TMEM132B: variants seen among roughly 807,000 people sequenced by gnomAD.
TMEM132B encodes the protein transmembrane protein 132B.
Under a neutral mutation model 90.8 loss-of-function variants are expected in TMEM132B, and 18 were observed. That is an observed-to-expected ratio of 0.20 (90% CI 0.14 to 0.29). The LOEUF is 0.29. TMEM132B is among the 10% of genes least tolerant of loss of function. The probability of loss-of-function intolerance (pLI) is 1.00; values close to 1 mark genes in which losing one functional copy is unlikely to be tolerated. For synonymous variants in TMEM132B, 504 were observed against 523.3 expected, an observed-to-expected ratio of 0.96 and a Z score of 0.50; for missense variants, 1,096 against 1,326.8, an observed-to-expected ratio of 0.83 and a Z score of 2.70.
intron 4 of TMEM132B, among the ~76,000 whole-genome samples, chr12:125,567,569 T>G (rs1884688987): frequency 6.6e-6 from 1 of 152,212 alleles, no homozygotes; most frequent in Non-Finnish European, 1.5e-5. Flanking sequence ...ACCAGTCAGC[T>G]CACAGGAATG....
At chr12:125,356,896 C>T (rs111576876) in intron 2 of TMEM132B, among the ~76,000 whole-genome samples, 3,378 of 152,360 alleles carry the variant, frequency 0.022, 58 homozygotes, top group Non-Finnish European at 0.035. Flanking sequence ...GGGCCTCTTG[C>T]CCTGTCCTGA....
intron 4 of TMEM132B, among the ~76,000 whole-genome samples, chr12:125,527,549 C>A (rs1181932118): frequency 7.1e-6 from 1 of 140,608 alleles, no homozygotes; most frequent in African/African-American, 2.9e-5. Context: ...ACCACCCATC[C>A]ACCCTTCCAT....
intron 1 of TMEM132B, among the ~76,000 whole-genome samples, chr12:125,255,425 T>C (rs1286129446): frequency 6.6e-6 from 1 of 152,236 alleles, no homozygotes; most frequent in African/African-American, 2.4e-5. Context: ...TTATCAGTTC[T>C]GTCTTTGATT....
intron 1 of TMEM132B, among the ~76,000 whole-genome samples, chr12:125,215,667 G>A (rs1423862516): frequency 3.3e-5 from 5 of 152,204 alleles, no homozygotes; most frequent in African/African-American, 9.6e-5. Context: ...GCAGCCTCCC[G>A]AGTAGCTGGG....
chr12:125,514,406 A>T (rs1405282042), intron 3 of TMEM132B, among the ~76,000 whole-genome samples: 2 of 152,172 alleles, frequency 1.3e-5, no homozygotes, highest in African/African-American at 4.8e-5. Context: ...CTCCCATTGT[A>T]TCTCCTGAGA....
intron 4 of TMEM132B, 48 bp from the exon 5 acceptor site, chr12:125,583,803 C>T (rs1470380634): frequency 1.2e-6 from 2 of 1,607,820 alleles, no homozygotes; most frequent in Non-Finnish European, 1.7e-6. Flanking sequence ...CTGCTCGCCC[C>T]TGTGGTATGC....
intron 3 of TMEM132B, among the ~76,000 whole-genome samples, chr12:125,449,646 G>C (rs903517933): frequency 4.7e-5 from 7 of 149,104 alleles, no homozygotes; most frequent in African/African-American, 1.7e-4. Context: ...ATCTTGGGGA[G>C]TATGGTATGA....
intron 1 of TMEM132B, among the ~76,000 whole-genome samples, chr12:125,188,898 A>G (rs1032177898): frequency 2.6e-5 from 4 of 151,476 alleles, no homozygotes; most frequent in Non-Finnish European, 5.9e-5. Context: ...CCTGAAAGAT[A>G]CTTAGCTGCC....
chr12:125,486,055 A>G (rs1169986185), intron 3 of TMEM132B, among the ~76,000 whole-genome samples: 1 of 152,160 alleles, frequency 6.6e-6, no homozygotes. Flanking sequence ...GGCAGAGTAG[A>G]GGTGGTATAG....
At chr12:125,516,692 G>A (rs1883170695) in intron 3 of TMEM132B, among the ~76,000 whole-genome samples, 1 of 152,164 alleles carries the variant, frequency 6.6e-6, no homozygotes, top group Non-Finnish European at 1.5e-5. Context: ...AATCTAGCAG[G>A]ATGAAATGGC....
intron 5 of TMEM132B, among the ~76,000 whole-genome samples, chr12:125,637,640 C>T (rs996949848): frequency 6.6e-6 from 1 of 152,134 alleles, no homozygotes; most frequent in Non-Finnish European, 1.5e-5. Context: ...AAAAATGTTG[C>T]ATTTCCATCA....
rs527577992 is a variant in TMEM132B at position 125,488,638 on chromosome 12, C to T, written c.1107-30801C>T. Among the ~76,000 whole-genome samples, 7 of 152,340 alleles carry T rather than the reference C, an allele frequency of 4.6e-5. No individual in the cohort carries two copies. In the South Asian group the frequency reaches 1.4e-3, roughly 32 times the overall value. ...CTCCTGCCATGATTGTGAGGCCTCCCCAGCCACGTGGAACTGTAAGTCCAT... is the reference window on the plus strand; with the variant it reads ...CTCCTGCCATGATTGTGAGGCCTCCTCAGCCACGTGGAACTGTAAGTCCAT... On this transcript the variant is annotated intron_variant, in intron 3 of 8. Transcript: ENST00000682704.
rs1253047738 is a variant in TMEM132B at position 125,492,249 on chromosome 12, C to T, written c.1107-27190C>T. Among the ~76,000 whole-genome samples, 1 of 152,192 alleles carries T rather than the reference C, an allele frequency of 6.6e-6. No homozygotes were observed. Among genetic ancestry groups the T allele is most frequent in the Non-Finnish European group, 1.5e-5 (1 of 68,030 alleles). On this transcript the variant is annotated intron_variant, in intron 3 of 8. Coordinates refer to ENST00000682704, the MANE Select transcript of TMEM132B (RefSeq NM_001366854.1). The surrounding 1 kb of genome is among the most constrained non-coding windows in gnomAD (Gnocchi z 5.8). ...GCAAATGTTTCCTGTGCAAGTTACA[C>T]CTGCCGTGGCAGCTCAGCCTTCCTC...
chr12:125,368,824 C>T (rs1387249113), intron 2 of TMEM132B, among the ~76,000 whole-genome samples: 1 of 152,012 alleles, frequency 6.6e-6, no homozygotes, highest in African/African-American at 2.4e-5. Flanking sequence ...TTTTTACATT[C>T]AATTTGTTCC....
chr12:125,268,912 C>T lies in TMEM132B; in HGVS notation c.68-80540C>T, dbSNP rs570673104. On this transcript the variant is annotated intron_variant, in intron 1 of 8. Transcript: ENST00000682704. ...CATCCCTGTTTGTGTCTCCCAGCAC[C>T]GCATCTTATTACCCCAGCAATCTTA... 5.3e-5 allele frequency among the ~76,000 whole-genome samples: 8 copies of T among 152,354 alleles called. No homozygotes were observed. The South Asian group carries it at 8.3e-4, about 16-fold the overall frequency.
intron 3 of TMEM132B, among the ~76,000 whole-genome samples, chr12:125,509,351 C>A (rs982182750): frequency 6.6e-6 from 1 of 152,176 alleles, no homozygotes; most frequent in African/African-American, 2.4e-5. Flanking sequence ...TCTGCGCATG[C>A]AGGAGGATTA....
intron 5 of TMEM132B, among the ~76,000 whole-genome samples, chr12:125,614,249 G>GT (rs1451230252): frequency 6.6e-6 from 1 of 152,088 alleles, no homozygotes; most frequent in African/African-American, 2.4e-5. Context: ...GTGCCTGATA[G>GT]TTTTTTAACC....
intron 2 of TMEM132B, among the ~76,000 whole-genome samples, chr12:125,372,843 C>T (rs2136273206): frequency 6.6e-6 from 1 of 152,288 alleles, no homozygotes; most frequent in African/African-American, 2.4e-5. Flanking sequence ...TGGCCACACA[C>T]ACCGTCTTTT....
At chr12:125,515,372 TCACA>T (rs1367643402) in intron 3 of TMEM132B, among the ~76,000 whole-genome samples, 1 of 137,846 alleles carries the variant, frequency 7.3e-6, no homozygotes, top group Non-Finnish European at 1.5e-5. Flanking sequence ...ACACATTCAC[TCACA>T]CCTCTTTCAC....
Sources: gnomAD v4.1 joint callset for allele counts (sites outside exome capture counted in the v4.1 genomes callset) on GRCh38, gnomAD v4.1.1 for gene constraint, Gnocchi (gnomAD v3.1) non-coding constraint, MANE v1.5 for transcripts, NCBI Gene and HGNC (gene_info 2026-07-23, HGNC 2026-07-21) for gene names.